The following PTPRT variants were observed in gnomAD, a reference collection of about 807,000 sequenced individuals.
The protein encoded by PTPRT is protein tyrosine phosphatase receptor type T, also known as receptor-type tyrosine-protein phosphatase T.
PTPRT carries 56 observed loss-of-function variants against 176.8 expected under a neutral mutation model. The ratio of observed to expected loss-of-function variants is 0.32; its 90% CI spans 0.26 to 0.40. The LOEUF is 0.40. Among genes scored for constraint, PTPRT ranks in the 10% least tolerant of loss-of-function variants. The probability of loss-of-function intolerance (pLI) is 1.00; values close to 1 mark genes in which losing one functional copy is unlikely to be tolerated. For missense variants in PTPRT, 1,540 were observed against 1,908.2 expected, an observed-to-expected ratio of 0.81 and a Z score of 3.60; for synonymous variants, 783 against 739.0, an observed-to-expected ratio of 1.06 and a Z score of -0.96.
At chr20:42,255,823 G>C (rs536135355) in intron 13 of PTPRT, among the ~76,000 whole-genome samples, 1 of 152,342 alleles carries the variant, frequency 6.6e-6, no homozygotes, top group South Asian at 2.1e-4. Context: ...CATAACCCAT[G>C]CTGGTGATCA....
intron 9 of PTPRT, among the ~76,000 whole-genome samples, chr20:42,403,941 C>T (rs1286180168): frequency 6.6e-6 from 1 of 152,114 alleles, no homozygotes; most frequent in Admixed American, 6.6e-5. Flanking sequence ...CCCCTCTAGG[C>T]CCTCTGGGAT....
rs527629031 is a variant in PTPRT at position 42,292,304 on chromosome 20, A to AT, written c.2140-9780dup. Among the ~76,000 whole-genome samples the AT allele has an allele frequency of 9.2e-3, 1,328 of 144,850 alleles. 5 individuals carry two copies. The highest frequency in any genetic ancestry group is 0.013 in the African/African-American group (499 of 39,762). On this transcript the variant is annotated intron_variant, in intron 12 of 30. Coordinates refer to ENST00000373187, the MANE Select transcript of PTPRT (RefSeq NM_007050.6). ...TTGTTACCTGAAAGAAGCACTAAGA[A>AT]TTTTTTTTTTTTTTTAAAAGATGTC...
At position 43,173,388 on chromosome 20, in the gene PTPRT, T is replaced by A. The variant is rs150852672; in HGVS notation, c.88+16258A>T. On this transcript the variant is annotated intron_variant, in intron 1 of 30. Coordinates refer to ENST00000373187, the MANE Select transcript of PTPRT (RefSeq NM_007050.6). ...ATAAAATTATGCAGGCCCTTATATC[T>A]CAGAATCAGAGATTCTTGCAGCAAA... is the stretch of plus-strand genomic sequence containing the variant. Among the ~76,000 whole-genome samples the A allele has an allele frequency of 4.8e-3, 734 of 152,322 alleles. 5 individuals are homozygous for A. Among genetic ancestry groups the A allele is most frequent in the African/African-American group, 0.017 (688 of 41,562 alleles).
At chr20:42,401,306 T>C (rs1156817676) in intron 9 of PTPRT, among the ~76,000 whole-genome samples, 1 of 152,014 alleles carries the variant, frequency 6.6e-6, no homozygotes, top group African/African-American at 2.4e-5. Context: ...GACAAGATAA[T>C]ATGCAAGGAA....
rs141244317 is a variant in PTPRT at position 42,908,198 on chromosome 20, C to T, written c.89-22266G>A. ...CTTGAAGACACTGATGTCCAGCCCA[C>T]GACCATGTGACCTTGGACAAGTCAC... On this transcript the variant is annotated intron_variant, in intron 1 of 30. Coordinates refer to ENST00000373187, the MANE Select transcript of PTPRT (RefSeq NM_007050.6). 2.5e-3 allele frequency among the ~76,000 whole-genome samples: 384 copies of T among 152,146 alleles called. 1 individual carries two copies. Among genetic ancestry groups the T allele is most frequent in the African/African-American group, 8.8e-3 (364 of 41,504 alleles).
chr20:42,691,324 C>T (rs1042306348), intron 6 of PTPRT, among the ~76,000 whole-genome samples: 2 of 152,222 alleles, frequency 1.3e-5, no homozygotes, highest in Non-Finnish European at 2.9e-5. Context: ...TCGTCAGTTG[C>T]TACGCTACCA....
intron 11 of PTPRT, among the ~76,000 whole-genome samples, chr20:42,345,618 GTA>G (rs376535646): frequency 0.26 from 27,197 of 105,526 alleles, 3,332 homozygotes; most frequent in Non-Finnish European, 0.32. Flanking sequence ...GTGTGTGTGT[GTA>G]TATATATGTA....
chr20:42,466,863 G>A (rs2071110291), intron 8 of PTPRT, among the ~76,000 whole-genome samples: 1 of 152,036 alleles, frequency 6.6e-6, no homozygotes, highest in Non-Finnish European at 1.5e-5. Flanking sequence ...TCTGGGGCAG[G>A]GACATTAAAA....
At chr20:43,168,584 G>A (rs2014916665) in intron 1 of PTPRT, among the ~76,000 whole-genome samples, 1 of 152,142 alleles carries the variant, frequency 6.6e-6, no homozygotes, top group African/African-American at 2.4e-5. Flanking sequence ...TGAGCCTCAG[G>A]CTATAAATTC....
intron 1 of PTPRT, among the ~76,000 whole-genome samples, chr20:43,060,930 A>C (rs1987429941): frequency 2.0e-5 from 3 of 151,960 alleles, no homozygotes; most frequent in African/African-American, 7.3e-5. Flanking sequence ...GCATTAGCCA[A>C]AACTTTCTAA....
chr20:42,091,467 C>A (rs1984610754), intron 27 of PTPRT, among the ~76,000 whole-genome samples: 1 of 152,204 alleles, frequency 6.6e-6, no homozygotes, highest in African/African-American at 2.4e-5. Context: ...TTATGCCTTT[C>A]TTTTATTAAA....
At chr20:42,793,641 G>C (rs2077409569) in intron 2 of PTPRT, among the ~76,000 whole-genome samples, 1 of 152,170 alleles carries the variant, frequency 6.6e-6, no homozygotes, top group Admixed American at 6.5e-5. Flanking sequence ...GGTAAGTGGA[G>C]CAATGTCTCT....
intron 1 of PTPRT, among the ~76,000 whole-genome samples, chr20:42,975,410 CA>C (rs995615810): frequency 3.9e-5 from 6 of 151,958 alleles, no homozygotes; most frequent in Non-Finnish European, 4.4e-5. Flanking sequence ...TTTGGGTAGT[CA>C]AAAAAATGTA....
At chr20:42,993,580 A>ACATATATGTGTGTGT (rs1568722811) in intron 1 of PTPRT, among the ~76,000 whole-genome samples, 6 of 148,070 alleles carry the variant, frequency 4.1e-5, no homozygotes, top group East Asian at 2.0e-4. Flanking sequence ...ATATATATAC[A>ACATATATGTGTGTGT]ATCTGCCATA....
chr20:43,087,144 T>C (rs758005078), intron 1 of PTPRT, among the ~76,000 whole-genome samples: 1 of 152,238 alleles, frequency 6.6e-6, no homozygotes, highest in Non-Finnish European at 1.5e-5. Flanking sequence ...ATTATGAATC[T>C]AATTTCTGTC....
At chr20:42,099,007 G>A (rs1283145923) in intron 26 of PTPRT, among the ~76,000 whole-genome samples, 1 of 152,268 alleles carries the variant, frequency 6.6e-6, no homozygotes, top group Non-Finnish European at 1.5e-5. Flanking sequence ...CCTCCAGGCT[G>A]GAGTGAGGGG....
chr20:42,271,887 A>C (rs1157321266), intron 13 of PTPRT, among the ~76,000 whole-genome samples: 1 of 152,238 alleles, frequency 6.6e-6, no homozygotes, highest in Non-Finnish European at 1.5e-5. Context: ...TGATAAACAA[A>C]AAATACATAA....
intron 11 of PTPRT, among the ~76,000 whole-genome samples, chr20:42,324,753 G>C (rs888925484): frequency 2.0e-5 from 3 of 152,156 alleles, no homozygotes; most frequent in Non-Finnish European, 1.5e-5. Flanking sequence ...CAGAACTATG[G>C]AGCTGAAATT....
intron 1 of PTPRT, among the ~76,000 whole-genome samples, chr20:43,134,926 G>A (rs1039778475): frequency 1.3e-5 from 2 of 152,172 alleles, no homozygotes; most frequent in East Asian, 3.9e-4. Flanking sequence ...CCAATGCCTT[G>A]TAGGGCACGT....
Sources: allele counts gnomAD v4.1 joint callset (sites outside exome capture counted in the v4.1 genomes callset), GRCh38; gene constraint gnomAD v4.1.1; transcripts MANE v1.5; gene names NCBI Gene and HGNC (gene_info 2026-07-23, HGNC 2026-07-21).